The following MAPKAP1 variants were observed in gnomAD, a reference collection of about 807,000 sequenced individuals.
The protein encoded by MAPKAP1 is MAPK associated protein 1, also known as target of rapamycin complex 2 subunit MAPKAP1.
A neutral mutation model predicts 65.7 loss-of-function variants in MAPKAP1; 20 were observed. That is an observed-to-expected ratio of 0.30 (90% CI 0.21 to 0.44). MAPKAP1 has a LOEUF of 0.44. MAPKAP1 is among the 20% of genes least tolerant of loss of function. MAPKAP1 has a pLI of 1.00. For synonymous variants in MAPKAP1, 222 were observed against 244.3 expected (o/e 0.91, Z 0.85); for missense variants, 423 against 648.0 (o/e 0.65, Z 3.77).
intron 3 of MAPKAP1, among the ~76,000 whole-genome samples, chr9:125,669,565 T>A (rs1346446625): frequency 6.6e-6 from 1 of 152,084 alleles, no homozygotes; most frequent in Non-Finnish European, 1.5e-5. Flanking sequence ...AATACTGACA[T>A]GACAGCTTGT....
intron 4 of MAPKAP1, among the ~76,000 whole-genome samples, chr9:125,622,252 A>G (rs772279896): frequency 6.6e-6 from 1 of 152,168 alleles, no homozygotes; most frequent in Admixed American, 6.5e-5. Context: ...AATTTATTGC[A>G]TAAATGTCAA....
chr9:125,476,375 G>C (rs1209544444), intron 9 of MAPKAP1, among the ~76,000 whole-genome samples: 1 of 152,094 alleles, frequency 6.6e-6, no homozygotes. Flanking sequence ...CGGACCCAGG[G>C]ATTTGAGTTA....
intron 4 of MAPKAP1, among the ~76,000 whole-genome samples, chr9:125,612,854 G>A (rs957579710): frequency 1.3e-5 from 2 of 152,202 alleles, no homozygotes; most frequent in Non-Finnish European, 2.9e-5. Context: ...ACATGAGGCT[G>A]TTACACAATG....
intron 1 of MAPKAP1, among the ~76,000 whole-genome samples, chr9:125,675,418 A>G (rs1204817783): frequency 6.6e-6 from 1 of 152,228 alleles, no homozygotes; most frequent in Non-Finnish European, 1.5e-5. Flanking sequence ...TCTGAAGATA[A>G]GAGGAATGGG....
At chr9:125,625,251 T>TAAAAAAAAAAAAAAAAAAA (rs1833073598) in intron 4 of MAPKAP1, among the ~76,000 whole-genome samples, 2 of 10,466 alleles carry the variant, frequency 1.9e-4, no homozygotes, top group Admixed American at 1.2e-3. Context: ...AAAAAATAAA[T>TAAAAAAAAAAAAAAAAAAA]AAATAAAAAA....
At chr9:125,576,567 C>G (rs964921708) in intron 5 of MAPKAP1, among the ~76,000 whole-genome samples, 17 of 152,332 alleles carry the variant, frequency 1.1e-4, no homozygotes, top group South Asian at 2.1e-4. Context: ...CTCTGATGCC[C>G]AGCCGAAGCT....
rs1834022240 is a variant in MAPKAP1 at position 125,655,955 on chromosome 9, GT to G, written c.498+1695del. On this transcript the variant is annotated intron_variant, in intron 4 of 11. Coordinates refer to ENST00000265960, the MANE Select transcript of MAPKAP1 (RefSeq NM_001006617.3). ...TTATTTTCCCGCTGGTACTTCAGAA[GT>G]TAGATATATACACACCAAGCAGAGT... Among the ~76,000 whole-genome samples, 11 of 152,164 alleles carry G rather than the reference GT, an allele frequency of 7.2e-5. No individual in the cohort carries two copies. The South Asian group carries it at 2.1e-3, about 29-fold the overall frequency.
chr9:125,698,286 TAAATATATA>T (rs1835458618), intron 1 of MAPKAP1, among the ~76,000 whole-genome samples: 1 of 25,834 alleles, frequency 3.9e-5, no homozygotes, highest in African/African-American at 1.8e-4. Flanking sequence ...ATAATATATA[TAAATATATA>T]TATATATATA....
intron 5 of MAPKAP1, among the ~76,000 whole-genome samples, chr9:125,582,395 A>G (rs145071020): frequency 7.7e-4 from 117 of 152,268 alleles, no homozygotes; most frequent in African/African-American, 2.7e-3. Context: ...GGTACTAGCT[A>G]TCCTCGTGTG....
intron 7 of MAPKAP1, among the ~76,000 whole-genome samples, chr9:125,525,782 G>A (rs1829748033): frequency 6.6e-6 from 1 of 151,944 alleles, no homozygotes; most frequent in Non-Finnish European, 1.5e-5. Flanking sequence ...TCTTAACTAA[G>A]CTCCACAGTT....
intron 4 of MAPKAP1, among the ~76,000 whole-genome samples, chr9:125,629,974 G>A (rs1345898494): frequency 6.6e-6 from 1 of 152,142 alleles, no homozygotes; most frequent in Non-Finnish European, 1.5e-5. Context: ...TAGTTTGTAT[G>A]CTTCAGCTCA....
In MAPKAP1 at chr9:125,447,273, C is replaced by T; in HGVS notation, c.1346-2675G>A. ...AGGAGGAAGAGTCCCAACATTCCCC[C>T]ACTCTCCCTCAAGCCTCCGGTCTGT... is the stretch of plus-strand genomic sequence containing the variant. On this transcript the variant is annotated intron_variant, in intron 10 of 11. Coordinates refer to ENST00000265960, the MANE Select transcript of MAPKAP1 (RefSeq NM_001006617.3). This position sits in a 1 kb window ranked among gnomAD's most constrained non-coding sequence, Gnocchi z 4.5. The T allele has an allele frequency of 2.5e-6, 1 of 394,158 alleles. No homozygotes were observed. The highest frequency in any genetic ancestry group is 5.2e-6 in the Non-Finnish European group (1 of 191,456). 24.4% of individuals were successfully genotyped at this position (394,158 alleles called of 1,614,324 possible). A position where few individuals can be genotyped will look rare whatever the true frequency, so the allele number is the denominator to read the frequency against.
chr9:125,484,360 A>C (rs1854419825), intron 9 of MAPKAP1, 83 bp downstream of exon 9: 1 of 1,377,664 alleles, frequency 7.3e-7, no homozygotes, highest in East Asian at 2.6e-5. Context: ...CAGGTCACAT[A>C]AAAGTTGTAT....
intron 7 of MAPKAP1, among the ~76,000 whole-genome samples, chr9:125,531,203 C>G (rs186681818): frequency 6.6e-6 from 1 of 152,158 alleles, no homozygotes; most frequent in African/African-American, 2.4e-5. Context: ...CCGTGGGCCC[C>G]GTAACCTTAT....
intron 7 of MAPKAP1, among the ~76,000 whole-genome samples, chr9:125,531,087 G>C (rs941170629): frequency 6.6e-6 from 1 of 152,216 alleles, no homozygotes; most frequent in Non-Finnish European, 1.5e-5. Context: ...ACTGGGGTTG[G>C]TTTGGTTCCA....
intron 6 of MAPKAP1, among the ~76,000 whole-genome samples, chr9:125,554,951 C>T (rs1005506336): frequency 1.3e-5 from 2 of 152,088 alleles, no homozygotes; most frequent in African/African-American, 4.8e-5. Flanking sequence ...CGTGATGTCT[C>T]ATATGAAAAT....
rs1853748782 is a variant in MAPKAP1 at position 125,468,099 on chromosome 9, T to G, written c.1218A>C (p.Gly406=). 6.2e-7 allele frequency: 1 copy of G among 1,613,988 alleles called. No homozygotes were observed. Among genetic ancestry groups the G allele is most frequent in the Non-Finnish European group, 8.5e-7 (1 of 1,180,004 alleles). Residue 406 remains glycine (G), a synonymous_variant, in exon 10 of 12, where the codon GGA becomes GGC. Coordinates refer to ENST00000265960, the MANE Select transcript of MAPKAP1 (RefSeq NM_001006617.3). ...TAACAGGGTCTATCTCTACTTTGTC[T>G]CCAGAGATACCTGTAAGCCAAGGTG... is the stretch of plus-strand genomic sequence containing the variant. ...FTTDVQLGIS[G]DKVEIDPVTN...
intron 9 of MAPKAP1, among the ~76,000 whole-genome samples, chr9:125,479,059 AC>A (rs930337535): frequency 1.3e-5 from 2 of 152,066 alleles, no homozygotes; most frequent in African/African-American, 4.8e-5. Flanking sequence ...TTTTTCCTAC[AC>A]CCCAGTTTCA....
At chr9:125,508,042 T>G (rs1829194928) in intron 7 of MAPKAP1, among the ~76,000 whole-genome samples, 1 of 152,114 alleles carries the variant, frequency 6.6e-6, no homozygotes, top group Non-Finnish European at 1.5e-5. Flanking sequence ...GGTGCGCACC[T>G]GTAGTCCCAG....
Sources: gnomAD v4.1 joint callset for allele counts (sites outside exome capture counted in the v4.1 genomes callset) on GRCh38, gnomAD v4.1.1 for gene constraint, Gnocchi (gnomAD v3.1) non-coding constraint, MANE v1.5 for transcripts, NCBI Gene and HGNC (gene_info 2026-07-23, HGNC 2026-07-21) for gene names.